Variants in TP53BP1 observed in about 807,000 individuals in gnomAD.
The protein encoded by TP53BP1 is TP53-binding protein 1.
A neutral mutation model predicts 200.8 loss-of-function variants in TP53BP1; 61 were observed. The observed-to-expected ratio is 0.30, with a 90% CI of 0.25 to 0.38. TP53BP1 has a LOEUF of 0.38. TP53BP1 is among the 10% of genes least tolerant of loss of function. The probability of loss-of-function intolerance (pLI) is 1.00; values close to 1 mark genes in which losing one functional copy is unlikely to be tolerated. For missense variants in TP53BP1, 2,144 were observed against 2,371.9 expected (o/e 0.90, Z 2.00); for synonymous variants, 822 against 844.3 (o/e 0.97, Z 0.46).
At chr15:43,438,301 G>C in intron 16 of TP53BP1, 23 bp downstream of exon 16, 1 of 1,607,286 alleles carries the variant, frequency 6.2e-7, no homozygotes, top group Non-Finnish European at 8.5e-7. Flanking sequence ...GAGCCCAAAA[G>C]ATTCTATAAA....
At chr15:43,426,737 G>A (rs911723355) in intron 18 of TP53BP1, among the ~76,000 whole-genome samples, 1 of 151,896 alleles carries the variant, frequency 6.6e-6, no homozygotes, top group Non-Finnish European at 1.5e-5. Flanking sequence ...GCCTTGCCGG[G>A]CGCGGTGGCT....
At chr15:43,423,903 ACT>A (rs1406539583) in intron 18 of TP53BP1, among the ~76,000 whole-genome samples, 1 of 151,214 alleles carries the variant, frequency 6.6e-6, no homozygotes, top group East Asian at 1.9e-4. Flanking sequence ...ATTTCCCAGG[ACT>A]CTGTTTTTAT....
intron 11 of TP53BP1, among the ~76,000 whole-genome samples, chr15:43,459,589 AAAAT>A (rs1193035178): frequency 6.6e-6 from 1 of 152,220 alleles, no homozygotes; most frequent in Admixed American, 6.5e-5. Flanking sequence ...GCAAATCTCA[AAAAT>A]ATGCTAAGTA....
intron 1 of TP53BP1, among the ~76,000 whole-genome samples, chr15:43,504,255 C>T (rs1183489883): frequency 6.6e-6 from 1 of 152,158 alleles, no homozygotes; most frequent in African/African-American, 2.4e-5. Flanking sequence ...TCAAGTGATC[C>T]TCCTGCTTTA....
rs1158272576 is a variant in TP53BP1, at chr15:43,403,252, G to A, written c.*4131C>T. The A allele has an allele frequency of 6.3e-6, 1 of 158,936 alleles. No homozygotes were observed. The highest frequency in any genetic ancestry group is 2.4e-5 in the African/African-American group (1 of 41,558). The allele number at this position is 158,936 out of a possible 1,614,324, so 9.8% of individuals were successfully genotyped here. ...CAATTGCCAAGTGGACAACAGTACA[G>A]ATAATAAAGAAGCAAGAAACGAGGG... is the stretch of plus-strand genomic sequence containing the variant. On this transcript the variant is annotated 3_prime_UTR_variant, in exon 28 of 28. Coordinates refer to ENST00000382044, the MANE Select transcript of TP53BP1 (RefSeq NM_001141980.3).
In TP53BP1 at chr15:43,420,658, C is replaced by T. The variant is rs767515165; in HGVS notation, c.4328G>A (p.Arg1443His). 83 of 1,614,050 alleles carry T rather than the reference C, an allele frequency of 5.1e-5. No individual in the cohort carries two copies. The highest frequency in any genetic ancestry group is 6.9e-5 in the Non-Finnish European group (82 of 1,180,036). The change falls in exon 21 of 28, where the codon CGT becomes CAT. Residue 1443 changes from arginine to histidine, a missense_variant. By Grantham distance (29) the Arg-to-His change is conservative (BLOSUM62 0). Coordinates refer to ENST00000382044, the MANE Select transcript of TP53BP1 (RefSeq NM_001141980.3). ...GGAGTCTGGCACTCGGGGCACGACA[C>T]GGCTGAAGGATTTATCATCTGGTGA... Reference protein sequence around the residue: ...NLSPDDKSFSRVVPRVPDSTR... With the variant: ...NLSPDDKSFSHVVPRVPDSTR...
intron 15 of TP53BP1, 72 bp from the exon 16 acceptor site, chr15:43,438,488 T>G: frequency 7.7e-7 from 1 of 1,293,896 alleles, no homozygotes. Context: ...TATCCTTTTA[T>G]GCACAGAGGA....
At chr15:43,423,720 G>A (rs1303878529) in intron 18 of TP53BP1, among the ~76,000 whole-genome samples, 1 of 151,210 alleles carries the variant, frequency 6.6e-6, no homozygotes, top group East Asian at 1.9e-4. Context: ...TATACATTTA[G>A]ATAATACTAT....
intron 15 of TP53BP1, among the ~76,000 whole-genome samples, chr15:43,440,833 G>C (rs546686977): frequency 1.3e-5 from 2 of 151,964 alleles, no homozygotes; most frequent in East Asian, 3.9e-4. Flanking sequence ...AGGTCACAGT[G>C]AGCCATGATC....
In TP53BP1 at chr15:43,443,792, CAAT is replaced by C. The variant is rs981834427; in HGVS notation, c.3041-2212_3041-2210del. Among the ~76,000 whole-genome samples, 162 of 152,342 alleles carry C rather than the reference CAAT, an allele frequency of 1.1e-3. 1 individual carries two copies. The highest frequency in any genetic ancestry group is 3.3e-3 in the African/African-American group (136 of 41,584). On this transcript the variant is annotated intron_variant, in intron 14 of 27. Transcript: ENST00000382044. ...TGAAAAAAATCCCATATTCTCACAA[CAAT>C]GTCACTAATTTCAAGGGATTAAAAT...
upstream of TP53BP1, among the ~76,000 whole-genome samples, chr15:43,495,365 G>T (rs973867016): frequency 6.6e-6 from 1 of 151,398 alleles, no homozygotes; most frequent in Non-Finnish European, 1.5e-5. Flanking sequence ...TGGGCATGGT[G>T]GTGGGCGCCT....
chr15:43,416,717 A>C (rs1401146075), intron 21 of TP53BP1: 1 of 252,178 alleles, frequency 4.0e-6, no homozygotes, highest in Non-Finnish European at 7.5e-6. Context: ...ATTTCCGTGA[A>C]GTGAAATGGC....
At chr15:43,464,884 G>A (rs2046532188) in intron 11 of TP53BP1, among the ~76,000 whole-genome samples, 2 of 151,400 alleles carry the variant, frequency 1.3e-5, no homozygotes, top group Non-Finnish European at 1.5e-5. Flanking sequence ...CTCCAGCATG[G>A]GCAACAAGTA....
At chr15:43,504,900 ATCCCAGCTAC>A (rs2079228260) in intron 1 of TP53BP1, among the ~76,000 whole-genome samples, 1 of 152,124 alleles carries the variant, frequency 6.6e-6, no homozygotes, top group Non-Finnish European at 1.5e-5. Flanking sequence ...CACACCTGCA[ATCCCAGCTAC>A]TCGGGAAGGT....
At chr15:43,470,181 C>T (rs1376421162) in intron 10 of TP53BP1, 115 bp from the exon 11 acceptor site, 12 of 869,050 alleles carry the variant, frequency 1.4e-5, no homozygotes, top group African/African-American at 6.7e-5. Context: ...AAAATAGTGA[C>T]GTAATTTTTC....
At position 43,475,678 on chromosome 15, in the gene TP53BP1, G is replaced by C. The variant is rs774911056; in HGVS notation, c.972C>G (p.Cys324Trp). The C allele has an allele frequency of 6.2e-7, 1 of 1,613,882 alleles. No homozygotes were observed. The highest frequency in any genetic ancestry group is 8.5e-7 in the Non-Finnish European group (1 of 1,180,024). Residue 324 changes from cysteine to tryptophan, a missense_variant, in exon 9 of 28, where the codon TGC becomes TGG. Coordinates refer to ENST00000382044, the MANE Select transcript of TP53BP1 (RefSeq NM_001141980.3). ...QSNKTVSSDG[C>W]STPSREEGGC... is the part of the protein sequence containing the mutation. ...CACCTTCCTCCCTTGAAGGAGTAGA[G>C]CAACCATCAGAAGATACTGAAAAAA...
At chr15:43,407,884 C>A in intron 27 of TP53BP1, 59 bp downstream of exon 27, 2 of 1,521,188 alleles carry the variant, frequency 1.3e-6, no homozygotes, top group Non-Finnish European at 1.8e-6. Flanking sequence ...CAAGGCCTAA[C>A]ACCTACAGGT....
intron 12 of TP53BP1, among the ~76,000 whole-genome samples, chr15:43,451,175 TTTTTTC>T (rs1399376064): frequency 1.3e-5 from 2 of 152,056 alleles, no homozygotes. Flanking sequence ...AACCATTACT[TTTTTTC>T]TTTTTTTTTT....
In TP53BP1 at chr15:43,443,391, C is replaced by T. The variant is rs369438673; in HGVS notation, c.3041-1808G>A. Among the ~76,000 whole-genome samples the T allele has an allele frequency of 4.8e-4, 73 of 152,218 alleles. No individual in the cohort carries two copies. The South Asian group carries it at 0.012, about 25-fold the overall frequency. ...TCTTCCCAAAGTGCTTTAGGACAGA[C>T]ACTTCAAAAACAAAGGGTGGCCAGG... On this transcript the variant is annotated intron_variant, in intron 14 of 27. Transcript: ENST00000382044.
Sources: allele counts gnomAD v4.1 joint callset (sites outside exome capture counted in the v4.1 genomes callset), GRCh38; gene constraint gnomAD v4.1.1; transcripts MANE v1.5; gene names NCBI Gene and HGNC (gene_info 2026-07-23, HGNC 2026-07-21).